TVP23A: variants seen among roughly 807,000 people sequenced by gnomAD.
The protein encoded by TVP23A is trans-golgi network vesicle protein 23 homolog A, also known as Golgi apparatus membrane protein TVP23 homolog A.
Under a neutral mutation model 31.7 loss-of-function variants are expected in TVP23A, and 21 were observed. That is an observed-to-expected ratio of 0.66 (90% CI 0.47 to 0.95). TVP23A has a LOEUF of 0.95. Among genes scored for constraint, TVP23A ranks in the 40% least tolerant of loss-of-function variants. The probability of loss-of-function intolerance (pLI) is 0.00; values close to 1 mark genes in which losing one functional copy is unlikely to be tolerated. For missense variants in TVP23A, 279 were observed against 255.6 expected (o/e 1.09, Z -0.62); for synonymous variants, 104 against 96.0 (o/e 1.08, Z -0.49).
intron 4 of TVP23A, 109 bp from the exon 5 acceptor site, chr16:10,773,550 T>A (rs564574467): frequency 4.5e-6 from 6 of 1,341,284 alleles, no homozygotes; most frequent in Non-Finnish European, 6.0e-6. Context: ...TGCTGTGGGA[T>A]TTTTTGTTGT....
intron 2 of TVP23A, among the ~76,000 whole-genome samples, chr16:10,805,068 C>T (rs1232683171): frequency 5.3e-5 from 8 of 152,152 alleles, no homozygotes; most frequent in Non-Finnish European, 1.2e-4. Flanking sequence ...GACAGAGTCT[C>T]GCTCTGTCGC....
chr16:10,778,004 C>T (rs1369308101), intron 2 of TVP23A, among the ~76,000 whole-genome samples: 3 of 147,184 alleles, frequency 2.0e-5, no homozygotes, highest in East Asian at 2.4e-4. Context: ...AGCGAGACTC[C>T]GTCTCAAAAA....
At position 10,767,578 on chromosome 16, in the gene TVP23A, G is replaced by A; in HGVS notation, c.*1524C>T. 1 of 453,978 alleles carries A rather than the reference G, an allele frequency of 2.2e-6. No individual in the cohort carries two copies. The highest frequency in any genetic ancestry group is 3.3e-5 in the East Asian group (1 of 30,190). 28.1% of individuals were successfully genotyped at this position (453,978 alleles called of 1,614,324 possible). On this transcript the variant is annotated 3_prime_UTR_variant, in exon 8 of 8. Transcript: ENST00000299866. This position sits in a 1 kb window ranked among gnomAD's most constrained non-coding sequence, Gnocchi z 4.6. The stretch of plus-strand genomic sequence containing the variant: ...GCCCTTTTCGGACTTGGCCTTTTAT[G>A]CCATATCCTTTTGCATTCTGTACTT...
At chr16:10,788,315 C>T (rs546557251) in intron 2 of TVP23A, among the ~76,000 whole-genome samples, 2 of 151,628 alleles carry the variant, frequency 1.3e-5, no homozygotes, top group Admixed American at 6.6e-5. Flanking sequence ...TGCTCTGTCG[C>T]CCAGGTTGGA....
Position 10,818,644 on chromosome 16 carries a change from C to T in TVP23A, c.-151G>A, listed in dbSNP as rs1003201901. On this transcript the variant is annotated 5_prime_UTR_variant, in exon 1 of 8. Coordinates refer to ENST00000299866, the MANE Select transcript of TVP23A (RefSeq NM_001079512.4). The surrounding 1 kb of genome is among the most constrained non-coding windows in gnomAD (Gnocchi z 4.7). ...TGCGCCCTGTGGGGCAGCCTCAGCG[C>T]AGCTTCTCGGGTGGGGCGGGGCGCT... The T allele has an allele frequency of 2.0e-6, 2 of 1,000,504 alleles. No homozygotes were observed. Among genetic ancestry groups the T allele is most frequent in the East Asian group, 3.1e-5 (1 of 31,878 alleles). 62.0% of individuals were successfully genotyped at this position (1,000,504 alleles called of 1,614,324 possible). A position where few individuals can be genotyped will look rare whatever the true frequency, so the allele number is the denominator to read the frequency against.
chr16:10,767,031 C>A lies in TVP23A; in HGVS notation c.*2071G>T, dbSNP rs1469540514. The A allele has an allele frequency of 5.0e-6, 2 of 398,736 alleles. No homozygotes were observed. The allele number at this position is 398,736 out of a possible 1,614,324, so 24.7% of individuals were successfully genotyped here. On this transcript the variant is annotated 3_prime_UTR_variant, in exon 8 of 8. Transcript: ENST00000299866. The surrounding 1 kb of genome is among the most constrained non-coding windows in gnomAD (Gnocchi z 4.6). ...ACTTGGACTTCCCTGTCCCACAGGG[C>A]GACACAGTAGTGAAGTTGAGGAAAT...
chr16:10,758,159 G>A (rs1022250640), downstream of TVP23A: 8 of 1,034,000 alleles, frequency 7.7e-6, no homozygotes, highest in African/African-American at 1.1e-4. Flanking sequence ...CATCTGATGT[G>A]GGTCTGCAGA....
intron 2 of TVP23A, among the ~76,000 whole-genome samples, chr16:10,778,811 C>T (rs1365485666): frequency 6.6e-6 from 1 of 152,088 alleles, no homozygotes; most frequent in African/African-American, 2.4e-5. Flanking sequence ...ACTAAAACTA[C>T]AAAAATTAGC....
chr16:10,789,466 A>G (rs150692663), intron 2 of TVP23A, among the ~76,000 whole-genome samples: 6 of 152,096 alleles, frequency 3.9e-5, no homozygotes, highest in African/African-American at 9.7e-5. Flanking sequence ...CATGTGCCCA[A>G]GGTGGTTGGG....
intron 3 of TVP23A, among the ~76,000 whole-genome samples, chr16:10,774,679 C>T (rs1423639601): frequency 1.3e-5 from 2 of 150,458 alleles, no homozygotes; most frequent in Admixed American, 6.6e-5. Flanking sequence ...GGCACAACCT[C>T]GGCTCACTGC....
rs899499817 is a variant in TVP23A at position 10,778,307 on chromosome 16, T to C, written c.90-3211A>G. On this transcript the variant is annotated intron_variant, in intron 2 of 7. Transcript: ENST00000299866. Reference sequence around the variant, plus strand: ...CGAGATGATGCCACTGCACTCCAGCTTGGGCAACAGAGCAAATCGCTGTCT... The same window carrying C: ...CGAGATGATGCCACTGCACTCCAGCCTGGGCAACAGAGCAAATCGCTGTCT... Among the ~76,000 whole-genome samples, 21 of 142,408 alleles carry C rather than the reference T, an allele frequency of 1.5e-4. 1 individual carries two copies. Among genetic ancestry groups the C allele is most frequent in the South Asian group, 7.3e-4 (3 of 4,120 alleles). The allele number at this position is 142,408 out of a possible 152,430, so 93.4% of individuals were successfully genotyped here. A position where few individuals can be genotyped will look rare whatever the true frequency, so the allele number is the denominator to read the frequency against.
intron 2 of TVP23A, among the ~76,000 whole-genome samples, chr16:10,813,664 C>T (rs774809622): frequency 5.9e-5 from 9 of 152,104 alleles, no homozygotes; most frequent in Non-Finnish European, 1.3e-4. Context: ...TAATAGTTTT[C>T]AGAGGTTTCC....
intron 4 of TVP23A, 137 bp from the exon 5 acceptor site, chr16:10,773,578 G>T: frequency 8.5e-7 from 1 of 1,181,388 alleles, no homozygotes; most frequent in Non-Finnish European, 1.2e-6. Flanking sequence ...GTTTTGTTTT[G>T]TTTTGTTTTT....
chr16:10,785,069 C>A (rs2032664108), intron 2 of TVP23A, among the ~76,000 whole-genome samples: 1 of 149,170 alleles, frequency 6.7e-6, no homozygotes, highest in African/African-American at 2.5e-5. Flanking sequence ...TACACTCCAG[C>A]CTGGGTGACA....
intron 4 of TVP23A, 78 bp downstream of exon 4, chr16:10,773,961 A>T: frequency 1.7e-6 from 2 of 1,192,710 alleles, no homozygotes; most frequent in Non-Finnish European, 2.4e-6. Context: ...GATATGCACA[A>T]AACTCCAAAG....
At chr16:10,758,720 A>G (rs991800875), downstream of TVP23A, among the ~76,000 whole-genome samples, 14 of 152,164 alleles carry the variant, frequency 9.2e-5, no homozygotes, top group Non-Finnish European at 2.1e-4. Flanking sequence ...TTCCGTTTAC[A>G]TCCCAGGATG....
intron 8 of TVP23A, chr16:10,761,603 C>A: frequency 1.0e-6 from 1 of 987,288 alleles, no homozygotes; most frequent in Non-Finnish European, 1.5e-6. Context: ...CAATTAAAAT[C>A]CCTTTCTGCT....
rs780716080 is a variant in TVP23A at position 10,773,402 on chromosome 16, G to A, written c.364C>T (p.Arg122Ter). ...ATTATGAGGCCCAGCCAGAAGATTC[G>A]TGCTTCAGCTTCTGTGGCAGCAATG... The part of the protein sequence containing the change: ...NSIAATEAEA[R>*]IFWLGLIICP... The change falls in exon 5 of 8, where the codon CGA becomes TGA. Residue 122 changes from arginine (R) to a stop codon, truncating the protein, a stop_gained. Transcript: ENST00000299866. LOFTEE classifies it high-confidence loss of function. 1.1e-5 allele frequency: 17 copies of A among 1,610,304 alleles called. No individual in the cohort carries two copies. The highest frequency in any genetic ancestry group is 2.2e-5 in the South Asian group (2 of 89,772).
At position 10,768,030 on chromosome 16, in the gene TVP23A, AGAGT is replaced by A. The variant is rs2031158303; in HGVS notation, c.*1068_*1071del. The A allele has an allele frequency of 6.2e-7, 1 of 1,613,770 alleles. No homozygotes were observed. The highest frequency in any genetic ancestry group is 8.5e-7 in the Non-Finnish European group (1 of 1,179,868). ...ACGTTAGCCTACAGAAGTATAATTCAGAGTAAGTATTTCCATGAGTACTAAATGC... is the reference window on the plus strand; with the variant it reads ...ACGTTAGCCTACAGAAGTATAATTCAAAGTATTTCCATGAGTACTAAATGC... On this transcript the variant is annotated 3_prime_UTR_variant, in exon 8 of 8. Transcript: ENST00000299866. The surrounding 1 kb of genome is among the most constrained non-coding windows in gnomAD (Gnocchi z 4.3).
Sources: gnomAD v4.1 joint callset for allele counts (sites outside exome capture counted in the v4.1 genomes callset) on GRCh38, gnomAD v4.1.1 for gene constraint, Gnocchi (gnomAD v3.1) non-coding constraint, MANE v1.5 for transcripts, NCBI Gene and HGNC (gene_info 2026-07-23, HGNC 2026-07-21) for gene names.